Variants in ABI3BP observed in about 807,000 individuals in gnomAD.
ABI3BP encodes the protein target of Nesh-SH3.
ABI3BP carries 216 observed loss-of-function variants against 268.6 expected under a neutral mutation model. The observed-to-expected ratio is 0.80, with a 90% confidence interval of 0.72 to 0.90. The LOEUF is 0.90. Ranked by LOEUF, ABI3BP falls within the 40% of genes least tolerant of loss-of-function variation. ABI3BP has a pLI of 0.00. For synonymous variants in ABI3BP, 730 were observed against 730.0 expected (o/e 1.00, Z 0.00); for missense variants, 2,090 against 2,182.4 (o/e 0.96, Z 0.84).
chr3:100,869,329 G>GTTTTTTTTT (rs1581238556), intron 9 of ABI3BP, among the ~76,000 whole-genome samples: 1 of 50,158 alleles, frequency 2.0e-5, no homozygotes, highest in African/African-American at 8.5e-5. Flanking sequence ...TCTTCTTTTT[G>GTTTTTTTTT]GTTTTTTTTT....
At chr3:100,754,832 G>A in intron 63 of ABI3BP, 141 bp from the exon 64 acceptor site, 2 of 703,790 alleles carry the variant, frequency 2.8e-6, no homozygotes, top group South Asian at 2.0e-5. Flanking sequence ...TCCAGAAGCA[G>A]GTTGAGGAAA....
intron 63 of ABI3BP, among the ~76,000 whole-genome samples, chr3:100,764,368 A>G (rs932874501): frequency 6.6e-6 from 1 of 152,240 alleles, no homozygotes; most frequent in Admixed American, 6.5e-5. Flanking sequence ...CCTTGAGTTC[A>G]AGGGCAGCCA....
In ABI3BP at chr3:100,873,437, AG is replaced by A. The variant is rs796129168; in HGVS notation, c.910+1403del. 2.8e-4 allele frequency among the ~76,000 whole-genome samples: 43 copies of A among 152,208 alleles called. 1 individual carries two copies. The highest frequency in any genetic ancestry group is 1.0e-3 in the African/African-American group (42 of 41,526). On this transcript the variant is annotated intron_variant, in intron 9 of 67. Coordinates refer to ENST00000471714, the MANE Select transcript of ABI3BP (RefSeq NM_001375547.2). ...GTAAGTCTCCAGGGCAGGGAGGGAAAGGGGGAAAAAGGAAAAGAGTTATTGG... is the reference window on the plus strand; with the variant it reads ...GTAAGTCTCCAGGGCAGGGAGGGAAAGGGGAAAAAGGAAAAGAGTTATTGG...
intron 14 of ABI3BP, among the ~76,000 whole-genome samples, chr3:100,860,770 T>C (rs1188306959): frequency 1.3e-5 from 2 of 152,172 alleles, no homozygotes; most frequent in Non-Finnish European, 2.9e-5. Context: ...AAGAACCCCA[T>C]GTTCCCCATG....
intron 2 of ABI3BP, among the ~76,000 whole-genome samples, chr3:100,922,553 T>TGATGGCGATGGC (rs1268567142): frequency 6.8e-6 from 1 of 146,074 alleles, no homozygotes; most frequent in African/African-American, 2.6e-5. Flanking sequence ...ATGGTGATGG[T>TGATGGCGATGGC]GATGGCGATG....
chr3:100,854,267 G>A (rs2098911756), intron 14 of ABI3BP, among the ~76,000 whole-genome samples: 1 of 151,744 alleles, frequency 6.6e-6, no homozygotes, highest in African/African-American at 2.4e-5. Context: ...CGGGAGGCAC[G>A]AGAATCTCTT....
At chr3:100,949,494 G>A (rs893000142) in intron 1 of ABI3BP, among the ~76,000 whole-genome samples, 1 of 152,120 alleles carries the variant, frequency 6.6e-6, no homozygotes, top group Non-Finnish European at 1.5e-5. Context: ...TCGAACACTT[G>A]GCATCAAGGG....
At chr3:100,813,941 A>AT (rs34347988) in intron 44 of ABI3BP, among the ~76,000 whole-genome samples, 3 of 151,868 alleles carry the variant, frequency 2.0e-5, no homozygotes, top group African/African-American at 7.3e-5. Flanking sequence ...TGATTCTCAC[A>AT]TTTTTTTTAA....
intron 1 of ABI3BP, among the ~76,000 whole-genome samples, chr3:100,990,694 C>G (rs2092772671): frequency 1.3e-5 from 2 of 151,720 alleles, no homozygotes; most frequent in Non-Finnish European, 2.9e-5. Flanking sequence ...CTCTTTTATT[C>G]AAGGAATAGG....
chr3:100,929,016 A>T (rs1246399950), intron 1 of ABI3BP, among the ~76,000 whole-genome samples: 2 of 152,062 alleles, frequency 1.3e-5, no homozygotes, highest in Non-Finnish European at 2.9e-5. Context: ...GATTAACTCT[A>T]GTTACTTCAC....
intron 63 of ABI3BP, among the ~76,000 whole-genome samples, chr3:100,764,803 A>G (rs1441342419): frequency 6.6e-6 from 1 of 152,248 alleles, no homozygotes; most frequent in African/African-American, 2.4e-5. Context: ...CAGAACAAAG[A>G]GCAAATGGGC....
At chr3:100,909,697 T>G (rs2055360012) in intron 2 of ABI3BP, among the ~76,000 whole-genome samples, 1 of 152,106 alleles carries the variant, frequency 6.6e-6, no homozygotes, top group Non-Finnish European at 1.5e-5. Flanking sequence ...ATTAGAGAAA[T>G]GCAAATCAAA....
At chr3:100,811,486 G>A (rs948196261) in intron 47 of ABI3BP, among the ~76,000 whole-genome samples, 1 of 152,048 alleles carries the variant, frequency 6.6e-6, no homozygotes, top group African/African-American at 2.4e-5. Context: ...CATTAACTGG[G>A]TTTCAAATGT....
intron 1 of ABI3BP, among the ~76,000 whole-genome samples, chr3:100,959,599 A>G (rs1393461699): frequency 1.3e-5 from 2 of 152,012 alleles, no homozygotes; most frequent in African/African-American, 4.8e-5. Context: ...AAGTAACAGT[A>G]GTCTACTGCC....
At chr3:100,771,136 G>A (rs957885904) in intron 61 of ABI3BP, among the ~76,000 whole-genome samples, 184 bp from the exon 62 acceptor site, 1 of 152,158 alleles carries the variant, frequency 6.6e-6, no homozygotes, top group Non-Finnish European at 1.5e-5. Flanking sequence ...GTGATATAGG[G>A]TGGTGTTGAT....
At chr3:100,825,568 T>A (rs926057021) in intron 35 of ABI3BP, among the ~76,000 whole-genome samples, 1 of 152,224 alleles carries the variant, frequency 6.6e-6, no homozygotes, top group Non-Finnish European at 1.5e-5. Context: ...TATTTTGAGT[T>A]AAGCTCATGC....
intron 1 of ABI3BP, among the ~76,000 whole-genome samples, chr3:100,990,945 C>T (rs2092815834): frequency 6.6e-6 from 1 of 152,056 alleles, no homozygotes; most frequent in Non-Finnish European, 1.5e-5. Context: ...ATCAATTTTT[C>T]ATTAGTCTGT....
At chr3:100,750,824 T>C (rs774513075) in intron 67 of ABI3BP, among the ~76,000 whole-genome samples, 47 of 152,170 alleles carry the variant, frequency 3.1e-4, no homozygotes, top group Non-Finnish European at 4.7e-4. Context: ...ACATTTGCCG[T>C]GTCAAGTTAG....
intron 9 of ABI3BP, among the ~76,000 whole-genome samples, chr3:100,871,061 G>T (rs753537111): frequency 1.3e-5 from 2 of 152,080 alleles, no homozygotes; most frequent in African/African-American, 4.8e-5. Context: ...AGAACAGAGG[G>T]TAAAAAGTTG....
Sources: allele counts gnomAD v4.1 joint callset (sites outside exome capture counted in the v4.1 genomes callset), GRCh38; gene constraint gnomAD v4.1.1; transcripts MANE v1.5; gene names NCBI Gene and HGNC (gene_info 2026-07-23, HGNC 2026-07-21).